Variants in MGAT4C observed in about 807,000 individuals in gnomAD.
MGAT4C encodes alpha-1,3-mannosyl-glycoprotein 4-beta-N-acetylglucosaminyltransferase C.
Under a neutral mutation model 40.1 loss-of-function variants are expected in MGAT4C, and 19 were observed. The observed-to-expected ratio is 0.47, with a 90% CI of 0.33 to 0.70. The LOEUF (loss-of-function observed/expected upper bound fraction) is 0.70. Ranked by LOEUF, MGAT4C falls within the 30% of genes least tolerant of loss-of-function variation. The pLI, the probability that MGAT4C is intolerant of heterozygous loss-of-function variation, is 0.02. For missense variants in MGAT4C, 491 were observed against 563.2 expected (o/e 0.87, Z 1.30); for synonymous variants, 181 against 187.1 (o/e 0.97, Z 0.27).
At chr12:86,385,953 C>T (rs759643650) in intron 3 of MGAT4C, among the ~76,000 whole-genome samples, 22 of 151,850 alleles carry the variant, frequency 1.4e-4, no homozygotes, top group South Asian at 4.2e-4. Context: ...TTTTTTGAGA[C>T]GGAGTCTCGC....
chr12:86,624,605 G>C (rs1962742307), intron 2 of MGAT4C, among the ~76,000 whole-genome samples: 1 of 152,076 alleles, frequency 6.6e-6, no homozygotes, highest in Admixed American at 6.6e-5. Context: ...CAATCAAACA[G>C]CAGCAGCAAA....
chr12:86,088,105 T>C (rs975209324), intron 1 of MGAT4C, among the ~76,000 whole-genome samples: 1 of 151,650 alleles, frequency 6.6e-6, no homozygotes, highest in African/African-American at 2.4e-5. Flanking sequence ...TTCAACAAAG[T>C]TGACAAAAAC....
At chr12:86,168,865 C>A (rs1566082090) in intron 1 of MGAT4C, among the ~76,000 whole-genome samples, 1 of 152,030 alleles carries the variant, frequency 6.6e-6, no homozygotes, top group Non-Finnish European at 1.5e-5. Flanking sequence ...TTGCTGTAGT[C>A]CAGGTCCCGT....
chr12:86,688,138 A>G (rs1428493097), intron 2 of MGAT4C, among the ~76,000 whole-genome samples: 1 of 144,020 alleles, frequency 6.9e-6, no homozygotes, highest in Non-Finnish European at 1.5e-5. Flanking sequence ...TTTATCAGAG[A>G]CTAGGAATGC....
intron 2 of MGAT4C, among the ~76,000 whole-genome samples, chr12:86,636,053 G>T (rs958690910): frequency 3.3e-5 from 5 of 151,962 alleles, no homozygotes; most frequent in African/African-American, 1.2e-4. Context: ...ACAGTATTCA[G>T]TACAGTAACG....
intron 2 of MGAT4C, among the ~76,000 whole-genome samples, chr12:86,587,440 T>C (rs529804545): frequency 2.6e-5 from 4 of 152,216 alleles, no homozygotes; most frequent in East Asian, 1.9e-4. Flanking sequence ...ATGCGGACTG[T>C]TTGGTTCCAT....
In MGAT4C at chr12:85,980,080, T is replaced by C. The variant is rs1464647465; in HGVS notation, c.646A>G (p.Thr216Ala). 1 of 1,613,646 alleles carries C rather than the reference T, an allele frequency of 6.2e-7. No individual in the cohort carries two copies. The highest frequency in any genetic ancestry group is 8.5e-7 in the Non-Finnish European group (1 of 1,179,846). ...TCAAGCATTACATAATAGTCTGAAGTATTGGCACAAAAATTAAGCAGAAAA... is the reference window on the plus strand; with the variant it reads ...TCAAGCATTACATAATAGTCTGAAGCATTGGCACAAAAATTAAGCAGAAAA... Reference protein sequence around the residue: ...YAFLLNFCANTSDYYVMLEDD... With the variant: ...YAFLLNFCANASDYYVMLEDD... Residue 216 changes from threonine to alanine, a missense_variant, in exon 5 of 5, where the codon ACT becomes GCT. By Grantham distance (58) the Thr-to-Ala change is moderately conservative. Transcript: ENST00000611864.
intron 1 of MGAT4C, among the ~76,000 whole-genome samples, chr12:86,240,254 C>T (rs1204247751): frequency 6.6e-6 from 1 of 151,106 alleles, no homozygotes; most frequent in Non-Finnish European, 1.5e-5. Flanking sequence ...AAAAGAGTTA[C>T]ACAGTGAAAA....
At chr12:86,608,062 G>A (rs1428478388) in intron 2 of MGAT4C, among the ~76,000 whole-genome samples, 1 of 151,854 alleles carries the variant, frequency 6.6e-6, no homozygotes, top group Non-Finnish European at 1.5e-5. Flanking sequence ...ATTAATTTGA[G>A]GTTAATATGT....
intron 1 of MGAT4C, among the ~76,000 whole-genome samples, chr12:86,225,631 G>T (rs1021978739): frequency 1.3e-5 from 2 of 152,018 alleles, no homozygotes; most frequent in East Asian, 3.9e-4. Context: ...AGATACAAGG[G>T]TGGTTCAACA....
intron 2 of MGAT4C, among the ~76,000 whole-genome samples, chr12:86,722,961 C>T (rs1414833772): frequency 6.6e-6 from 1 of 151,990 alleles, no homozygotes; most frequent in East Asian, 1.9e-4. Flanking sequence ...GGTGTTAAAC[C>T]CAGGTGTCGT....
At chr12:86,354,339 A>C (rs1955255559) in intron 3 of MGAT4C, among the ~76,000 whole-genome samples, 1 of 152,212 alleles carries the variant, frequency 6.6e-6, no homozygotes, top group Admixed American at 6.5e-5. Flanking sequence ...CTAAATTACA[A>C]TTATCTATCA....
chr12:86,695,794 G>T (rs1001954874), intron 2 of MGAT4C, among the ~76,000 whole-genome samples: 3 of 152,098 alleles, frequency 2.0e-5, no homozygotes, highest in Middle Eastern at 3.4e-3. Flanking sequence ...TAGGGGGTGG[G>T]AGAGTGAAGG....
intron 2 of MGAT4C, among the ~76,000 whole-genome samples, chr12:86,540,110 G>C (rs1036358408): frequency 1.3e-5 from 2 of 152,194 alleles, no homozygotes; most frequent in Non-Finnish European, 2.9e-5. Context: ...CCTATGTCCT[G>C]AATGGTAATG....
chr12:86,814,246 A>G (rs1029706291), intron 1 of MGAT4C, among the ~76,000 whole-genome samples: 4 of 146,660 alleles, frequency 2.7e-5, no homozygotes, highest in Non-Finnish European at 4.5e-5. Flanking sequence ...ATATACGTGT[A>G]TATATATACA....
At chr12:86,278,024 A>G (rs1473475848) in intron 4 of MGAT4C, among the ~76,000 whole-genome samples, 3 of 152,138 alleles carry the variant, frequency 2.0e-5, no homozygotes, top group African/African-American at 7.2e-5. Flanking sequence ...AATCCAGGGA[A>G]CATGAAATAT....
At position 86,557,585 on chromosome 12, in the gene MGAT4C, G is replaced by A. The variant is rs182650136; in HGVS notation, c.-228-122320C>T. Among the ~76,000 whole-genome samples, 1,293 of 152,218 alleles carry A rather than the reference G, an allele frequency of 8.5e-3. 7 individuals are homozygous for A. Among genetic ancestry groups the A allele is most frequent in the Non-Finnish European group, 0.014 (954 of 68,010 alleles). ...CACCAATCCTTCACTAAAAACCACA[G>A]CCTAAGTCATGAGGAAGTCATGGAC... On this transcript the variant is annotated intron_variant, in intron 2 of 7. Transcript: ENST00000548651.
intron 2 of MGAT4C, among the ~76,000 whole-genome samples, chr12:86,633,308 T>A (rs953815749): frequency 6.6e-6 from 1 of 152,048 alleles, no homozygotes; most frequent in Non-Finnish European, 1.5e-5. Context: ...ATAAAACACA[T>A]AATTAGGCTG....
chr12:86,235,038 T>C (rs1951474350), intron 1 of MGAT4C, among the ~76,000 whole-genome samples: 1 of 152,140 alleles, frequency 6.6e-6, no homozygotes, highest in Admixed American at 6.6e-5. Flanking sequence ...CTTAGCCTTT[T>C]ATTTTTTTCT....
Sources: gnomAD v4.1 joint callset for allele counts (sites outside exome capture counted in the v4.1 genomes callset) on GRCh38, gnomAD v4.1.1 for gene constraint, MANE v1.5 for transcripts, NCBI Gene and HGNC (gene_info 2026-07-23, HGNC 2026-07-21) for gene names.